DSCAM: variants seen among roughly 807,000 people sequenced by gnomAD.
DSCAM encodes cell adhesion molecule DSCAM.
Under a neutral mutation model 217.7 loss-of-function variants are expected in DSCAM, and 47 were observed. The observed-to-expected ratio is 0.22, with a 90% CI of 0.17 to 0.28. The LOEUF is 0.28. DSCAM is among the 10% of genes least tolerant of loss of function. The probability of loss-of-function intolerance (pLI) is 1.00; values close to 1 mark genes in which losing one functional copy is unlikely to be tolerated. For missense variants in DSCAM, 2,080 were observed against 2,618.3 expected (o/e 0.79, Z 4.49); for synonymous variants, 1,056 against 1,015.3 (o/e 1.04, Z -0.76).
intron 1 of DSCAM, among the ~76,000 whole-genome samples, chr21:40,768,833 C>T (rs1047105885): frequency 1.3e-5 from 2 of 152,026 alleles, no homozygotes; most frequent in African/African-American, 4.8e-5. Flanking sequence ...CACCAGACCT[C>T]GGATATAGCA....
intron 32 of DSCAM, among the ~76,000 whole-genome samples, chr21:40,023,518 T>C (rs1480240172): frequency 1.4e-5 from 2 of 139,980 alleles, no homozygotes; most frequent in African/African-American, 2.7e-5. Flanking sequence ...CTCCACATCC[T>C]CTCCAGCACC....
chr21:40,208,385 CAG>C (rs1363445652), intron 11 of DSCAM, among the ~76,000 whole-genome samples: 1 of 152,198 alleles, frequency 6.6e-6, no homozygotes, highest in African/African-American at 2.4e-5. Context: ...GCCTGGGAAG[CAG>C]ACACTGCAGT....
intron 19 of DSCAM, among the ~76,000 whole-genome samples, chr21:40,130,571 A>C (rs2090144711): frequency 6.6e-6 from 1 of 152,318 alleles, no homozygotes; most frequent in East Asian, 1.9e-4. Context: ...GATGATATCC[A>C]TGGCCCTGAG....
intron 1 of DSCAM, among the ~76,000 whole-genome samples, chr21:40,789,343 A>C (rs1195798332): frequency 6.6e-6 from 1 of 152,102 alleles, no homozygotes; most frequent in Non-Finnish European, 1.5e-5. Flanking sequence ...AGTGACGGCC[A>C]TGGAATAATT....
chr21:40,364,011 TA>T (rs2074798540), intron 4 of DSCAM, among the ~76,000 whole-genome samples: 1 of 152,172 alleles, frequency 6.6e-6, no homozygotes, highest in Admixed American at 6.5e-5. Context: ...TGGTGATCAT[TA>T]AAAAGTCAGG....
In DSCAM at chr21:40,777,311, C is replaced by T. The variant is rs141142802; in HGVS notation, c.44-68540G>A. 7.7e-3 allele frequency among the ~76,000 whole-genome samples: 1,166 copies of T among 152,322 alleles called. 17 individuals carry two copies. The highest frequency in any genetic ancestry group is 0.027 in the African/African-American group (1,116 of 41,564). ...CATCACATTGGGGATTAGGTTACAA[C>T]ATATAAATTTGGTGGGAGCCGAAAA... is the stretch of plus-strand genomic sequence containing the variant. On this transcript the variant is annotated intron_variant, in intron 1 of 32. Transcript: ENST00000400454.
chr21:40,394,852 AAG>A (rs2123761972), intron 3 of DSCAM, among the ~76,000 whole-genome samples: 1 of 152,322 alleles, frequency 6.6e-6, no homozygotes, highest in African/African-American at 2.4e-5. Flanking sequence ...GGGGAGTACT[AAG>A]AGAGATTAGG....
chr21:40,287,210 G>A (rs976859243), intron 10 of DSCAM, among the ~76,000 whole-genome samples: 4 of 146,090 alleles, frequency 2.7e-5, no homozygotes, highest in Non-Finnish European at 5.9e-5. Context: ...AGTATGATGT[G>A]CAGTGTGATC....
At chr21:40,357,826 C>G (rs894392874) in intron 4 of DSCAM, among the ~76,000 whole-genome samples, 1 of 150,402 alleles carries the variant, frequency 6.6e-6, no homozygotes, top group Admixed American at 6.7e-5. Flanking sequence ...CGAACCTGCA[C>G]GTTGTGCACA....
At chr21:40,821,385 A>G (rs1477820307) in intron 1 of DSCAM, among the ~76,000 whole-genome samples, 1 of 139,698 alleles carries the variant, frequency 7.2e-6, no homozygotes, top group African/African-American at 2.5e-5. Context: ...ACACACAGAC[A>G]CACGCGCGCA....
At chr21:40,051,507 T>G (rs1464582304) in intron 30 of DSCAM, among the ~76,000 whole-genome samples, 2 of 152,212 alleles carry the variant, frequency 1.3e-5, no homozygotes, top group Non-Finnish European at 2.9e-5. Flanking sequence ...AACTTTATAC[T>G]GTTTGCATAA....
At chr21:40,036,567 A>G (rs1039844240) in intron 32 of DSCAM, among the ~76,000 whole-genome samples, 1 of 148,054 alleles carries the variant, frequency 6.8e-6, no homozygotes, top group Non-Finnish European at 1.5e-5. Context: ...ATGGATTCAC[A>G]GCCGAATTCT....
chr21:40,705,073 G>A (rs1486987194), intron 2 of DSCAM, among the ~76,000 whole-genome samples: 1 of 152,214 alleles, frequency 6.6e-6, no homozygotes, highest in East Asian at 1.9e-4. Flanking sequence ...CAGGATTCTT[G>A]CTAAAGCTGG....
chr21:40,304,757 A>T (rs2074053481), intron 9 of DSCAM, among the ~76,000 whole-genome samples: 1 of 152,168 alleles, frequency 6.6e-6, no homozygotes, highest in African/African-American at 2.4e-5. Context: ...TGTCTTAGGA[A>T]ATAGGGAAGC....
chr21:40,092,217 C>T (rs564892097), intron 21 of DSCAM, among the ~76,000 whole-genome samples: 4 of 152,104 alleles, frequency 2.6e-5, no homozygotes, highest in African/African-American at 9.7e-5. Flanking sequence ...ATCTATTTAG[C>T]TGTAAATGAG....
intron 3 of DSCAM, among the ~76,000 whole-genome samples, chr21:40,634,812 C>A (rs535586035): frequency 1.3e-5 from 2 of 152,188 alleles, no homozygotes; most frequent in African/African-American, 4.8e-5. Context: ...TTTGCACCCA[C>A]GTCCACCTCT....
At chr21:40,608,641 C>G (rs2089273995) in intron 3 of DSCAM, among the ~76,000 whole-genome samples, 1 of 152,122 alleles carries the variant, frequency 6.6e-6, no homozygotes, top group Non-Finnish European at 1.5e-5. Context: ...AGTCTATTGA[C>G]CATCAAAGCC....
At chr21:40,629,374 T>C (rs546925176) in intron 3 of DSCAM, among the ~76,000 whole-genome samples, 46 of 152,344 alleles carry the variant, frequency 3.0e-4, no homozygotes, top group Admixed American at 2.5e-3. Context: ...CAATTGTGCA[T>C]TTGTATGTAT....
Position 40,208,821 on chromosome 21 carries a change from T to G in DSCAM, c.2357-19583A>C, listed in dbSNP as rs188952445. On this transcript the variant is annotated intron_variant, in intron 11 of 32. Transcript: ENST00000400454. ...CGGCTTTCACTGCCCTACTCCTCCC[T>G]CCTCTTAACCTTTCATTTAAAAATC... Among the ~76,000 whole-genome samples the G allele has an allele frequency of 1.6e-3, 251 of 152,262 alleles. 1 individual carries two copies. Among genetic ancestry groups the G allele is most frequent in the African/African-American group, 5.9e-3 (244 of 41,558 alleles).
Sources: allele counts gnomAD v4.1 joint callset (sites outside exome capture counted in the v4.1 genomes callset), GRCh38; gene constraint gnomAD v4.1.1; transcripts MANE v1.5; gene names NCBI Gene and HGNC (gene_info 2026-07-23, HGNC 2026-07-21).